RGS6: variants seen among roughly 807,000 people sequenced by gnomAD.
The protein encoded by RGS6 is regulator of G protein signaling 6, also known as regulator of G-protein signaling 6.
RGS6 carries 30 observed loss-of-function variants against 78.5 expected under a neutral mutation model. That is an observed-to-expected ratio of 0.38 (90% confidence interval 0.29 to 0.52). The LOEUF (loss-of-function observed/expected upper bound fraction) is 0.52, where lower values mean the gene tolerates loss of function less well. RGS6 is among the 20% of genes least tolerant of loss of function. The pLI is 0.85. For synonymous variants in RGS6, 206 were observed against 206.0 expected (o/e 1.00, Z 0.00); for missense variants, 495 against 609.7 (o/e 0.81, Z 1.98).
At chr14:72,069,626 C>T (rs966011857) in intron 2 of RGS6, among the ~76,000 whole-genome samples, 2 of 152,052 alleles carry the variant, frequency 1.3e-5, no homozygotes, top group South Asian at 4.1e-4. Context: ...GCAGCCTCGA[C>T]CTCCCTGGGC....
chr14:72,565,926 G>A lies in RGS6; in HGVS notation c.*3459G>A, dbSNP rs2097708096. ...GGCCCTGCAGAATGTATTGGAGGGA[G>A]GTGTTGCTGCAAGGTCCAGGAGCTG... is the stretch of plus-strand genomic sequence containing the variant. On this transcript the variant is annotated 3_prime_UTR_variant, in exon 18 of 18. Transcript: ENST00000553525. The A allele has an allele frequency of 6.6e-6, 1 of 152,180 alleles. No homozygotes were observed. Among genetic ancestry groups the A allele is most frequent in the African/African-American group, 2.4e-5 (1 of 41,428 alleles). The allele number at this position is 152,180 out of a possible 1,614,324, so 9.4% of individuals were successfully genotyped here.
chr14:72,163,143 A>G (rs1169241494), intron 2 of RGS6, among the ~76,000 whole-genome samples: 1 of 152,228 alleles, frequency 6.6e-6, no homozygotes, highest in Non-Finnish European at 1.5e-5. Context: ...ACAAATCACC[A>G]CTAAAATACT....
chr14:72,506,396 G>A (rs2096799616), intron 13 of RGS6, among the ~76,000 whole-genome samples: 1 of 152,204 alleles, frequency 6.6e-6, no homozygotes, highest in Non-Finnish European at 1.5e-5. Flanking sequence ...GACAGTTATT[G>A]TACCACTTAC....
At chr14:72,576,792 A>G in the RGS6 span, among the ~76,000 whole-genome samples, 1 of 152,140 alleles carries the variant, frequency 6.6e-6, no homozygotes, top group Non-Finnish European at 1.5e-5. Context: ...GCTGCCCACT[A>G]TATCTTGGCA....
chr14:71,874,937 G>A, the RGS6 span, among the ~76,000 whole-genome samples: 1 of 152,160 alleles, frequency 6.6e-6, no homozygotes, highest in Admixed American at 6.5e-5. Flanking sequence ...TTATCTGATG[G>A]ATTACGTTTA....
the RGS6 span, among the ~76,000 whole-genome samples, chr14:71,879,939 A>T: frequency 6.6e-6 from 1 of 152,346 alleles, no homozygotes; most frequent in Non-Finnish European, 1.5e-5. Context: ...AAAAAGGGGG[A>T]AAGTTTGGAA....
At chr14:71,974,699 T>A (rs2094010386) in intron 2 of RGS6, among the ~76,000 whole-genome samples, 1 of 152,218 alleles carries the variant, frequency 6.6e-6, no homozygotes, top group Admixed American at 6.5e-5. Flanking sequence ...ATTTGTTAAA[T>A]ATGATGGTTA....
At chr14:72,330,683 C>T (rs2074809838) in intron 2 of RGS6, among the ~76,000 whole-genome samples, 1 of 152,172 alleles carries the variant, frequency 6.6e-6, no homozygotes, top group East Asian at 1.9e-4. Flanking sequence ...ACAGGGCCCA[C>T]ATTTAAAATT....
At chr14:72,354,219 A>G (rs2079741656) in intron 3 of RGS6, among the ~76,000 whole-genome samples, 1 of 152,132 alleles carries the variant, frequency 6.6e-6, no homozygotes, top group African/African-American at 2.4e-5. Context: ...TTCATGTCTC[A>G]CAGTTCTGGA....
At chr14:72,608,160 C>T in the RGS6 span, among the ~76,000 whole-genome samples, 5 of 152,212 alleles carry the variant, frequency 3.3e-5, no homozygotes, top group African/African-American at 1.2e-4. Context: ...TGGTGCCTGC[C>T]TCCTTGGCAA....
chr14:71,949,587 T>C (rs937146891), intron 1 of RGS6, among the ~76,000 whole-genome samples: 2 of 152,178 alleles, frequency 1.3e-5, no homozygotes, highest in Non-Finnish European at 2.9e-5. Context: ...GCCTGTCATA[T>C]GTATTTAAAA....
intron 12 of RGS6, among the ~76,000 whole-genome samples, chr14:72,482,666 C>T (rs1411280045): frequency 6.6e-6 from 1 of 152,188 alleles, no homozygotes; most frequent in African/African-American, 2.4e-5. Context: ...TATGGTCTCT[C>T]ACCCTCCAGC....
At chr14:72,557,706 T>G (rs910823813) in intron 17 of RGS6, among the ~76,000 whole-genome samples, 1 of 152,252 alleles carries the variant, frequency 6.6e-6, no homozygotes, top group East Asian at 1.9e-4. Flanking sequence ...AGTTGCATGG[T>G]GAGCTGTATT....
At chr14:71,953,012 A>G (rs367622980) in intron 1 of RGS6, among the ~76,000 whole-genome samples, 14 of 152,320 alleles carry the variant, frequency 9.2e-5, no homozygotes, top group African/African-American at 2.9e-4. Context: ...TCTAGCAGTG[A>G]TACAATCTTT....
At chr14:72,095,672 G>A (rs1026852710) in intron 2 of RGS6, among the ~76,000 whole-genome samples, 6 of 152,196 alleles carry the variant, frequency 3.9e-5, no homozygotes, top group Admixed American at 6.5e-5. Context: ...GAGAGGGAAC[G>A]TATGTGGATG....
intron 2 of RGS6, among the ~76,000 whole-genome samples, chr14:72,288,796 G>A (rs534662882): frequency 2.0e-5 from 3 of 152,262 alleles, no homozygotes; most frequent in South Asian, 2.1e-4. Flanking sequence ...AAGGAGGTGC[G>A]TTGGCATGAT....
At chr14:72,249,335 C>G (rs1328106759) in intron 2 of RGS6, among the ~76,000 whole-genome samples, 1 of 152,192 alleles carries the variant, frequency 6.6e-6, no homozygotes, top group East Asian at 1.9e-4. Context: ...ATAAGAGTCT[C>G]TAGTGATTTA....
intron 2 of RGS6, among the ~76,000 whole-genome samples, chr14:72,321,124 G>A (rs915876002): frequency 6.6e-6 from 1 of 151,702 alleles, no homozygotes; most frequent in East Asian, 1.9e-4. Context: ...AGAACAATTT[G>A]TATTGCTTTT....
At chr14:72,465,852 TAAG>T (rs762400494) in intron 7 of RGS6, 30 bp downstream of exon 7, 9 of 1,566,194 alleles carry the variant, frequency 5.7e-6, no homozygotes, top group Middle Eastern at 1.7e-4. Flanking sequence ...AGGATACATA[TAAG>T]AAGAGAGTAA....
Sources: allele counts gnomAD v4.1 joint callset (sites outside exome capture counted in the v4.1 genomes callset), GRCh38; gene constraint gnomAD v4.1.1; transcripts MANE v1.5; gene names NCBI Gene and HGNC (gene_info 2026-07-23, HGNC 2026-07-21).